The following SLC49A4 variants were observed in gnomAD, a reference collection of about 807,000 sequenced individuals.
SLC49A4 encodes disrupted in renal cancer protein 2.
SLC49A4 carries 36 observed loss-of-function variants against 50.6 expected under a neutral mutation model. The observed-to-expected ratio is 0.71, with a 90% CI of 0.55 to 0.94. The LOEUF (loss-of-function observed/expected upper bound fraction) is 0.94, where lower values mean the gene tolerates loss of function less well. SLC49A4 is among the 40% of genes least tolerant of loss of function. The probability of loss-of-function intolerance (pLI) is 0.00; values close to 1 mark genes in which losing one functional copy is unlikely to be tolerated. For synonymous variants in SLC49A4, 248 were observed against 241.2 expected, an observed-to-expected ratio of 1.03 and a Z score of -0.26; for missense variants, 503 against 605.7, an observed-to-expected ratio of 0.83 and a Z score of 1.78.
At chr3:122,817,272 G>T (rs924487364) in intron 2 of SLC49A4, among the ~76,000 whole-genome samples, 5 of 152,156 alleles carry the variant, frequency 3.3e-5, no homozygotes, top group African/African-American at 4.8e-5. Flanking sequence ...AACTGCAGTT[G>T]CTGCCTTTGA....
intron 4 of SLC49A4, among the ~76,000 whole-genome samples, chr3:122,842,854 T>TA (rs1936791875): frequency 6.6e-6 from 1 of 152,214 alleles, no homozygotes; most frequent in African/African-American, 2.4e-5. Flanking sequence ...GAATGCCAGC[T>TA]TCTACCTTTG....
intron 7 of SLC49A4, among the ~76,000 whole-genome samples, chr3:122,870,725 A>G (rs947753317): frequency 1.3e-5 from 2 of 151,732 alleles, no homozygotes; most frequent in African/African-American, 4.8e-5. Flanking sequence ...AGGCAGGAGA[A>G]TCACTTGAAC....
intron 7 of SLC49A4, among the ~76,000 whole-genome samples, chr3:122,867,469 T>A (rs1937134239): frequency 6.6e-6 from 1 of 152,230 alleles, no homozygotes; most frequent in Admixed American, 6.5e-5. Flanking sequence ...GTAAAATACC[T>A]GCCTCAAAGA....
intron 2 of SLC49A4, among the ~76,000 whole-genome samples, chr3:122,811,950 A>G (rs1345543167): frequency 6.6e-6 from 1 of 151,978 alleles, no homozygotes; most frequent in Admixed American, 6.6e-5. Context: ...TATTTTTACC[A>G]TGTGCATATA....
At position 122,795,457 on chromosome 3, in the gene SLC49A4, G is replaced by T; in HGVS notation, c.265G>T (p.Asp89Tyr). 1.2e-6 allele frequency: 2 copies of T among 1,607,386 alleles called. No homozygotes were observed. Residue 89 changes from aspartate to tyrosine, a missense_variant, in exon 1 of 9, where the codon GAC becomes TAC. Asp to Tyr is a radical substitution (Grantham distance 160). Transcript: ENST00000261038. ...CCAGGCCTACGGCTTCTCCAGCTGGGACATCGCGCTGCTCGTGCTGTGGGG... is the reference window on the plus strand; with the variant it reads ...CCAGGCCTACGGCTTCTCCAGCTGGTACATCGCGCTGCTCGTGCTGTGGGG... ...ARQAYGFSSWDIALLVLWGPI... is the reference protein window; with the variant it reads ...ARQAYGFSSWYIALLVLWGPI...
At chr3:122,801,009 C>G (rs995514903) in intron 1 of SLC49A4, among the ~76,000 whole-genome samples, 3 of 152,176 alleles carry the variant, frequency 2.0e-5, no homozygotes, top group African/African-American at 7.2e-5. Flanking sequence ...GTGTTTCCCT[C>G]CAGCCTGTTC....
At position 122,852,139 on chromosome 3, in the gene SLC49A4, G is replaced by T. The variant is rs148543543; in HGVS notation, c.943-4168G>T. Among the ~76,000 whole-genome samples the T allele has an allele frequency of 7.1e-3, 1,079 of 152,000 alleles. 5 individuals are homozygous for T. The highest frequency in any genetic ancestry group is 0.022 in the African/African-American group (932 of 41,472). On this transcript the variant is annotated intron_variant, in intron 5 of 8. Transcript: ENST00000261038. Reference sequence around the variant, plus strand: ...CCCCAGTAGCTGGGACTACAGGCGCGTACAACCATACCCAGCTCATTTTTG... The same window carrying T: ...CCCCAGTAGCTGGGACTACAGGCGCTTACAACCATACCCAGCTCATTTTTG...
At chr3:122,854,657 G>T (rs887673584) in intron 5 of SLC49A4, among the ~76,000 whole-genome samples, 1 of 152,206 alleles carries the variant, frequency 6.6e-6, no homozygotes, top group Non-Finnish European at 1.5e-5. Context: ...CTTCACTTAT[G>T]CTCACTTCCA....
At chr3:122,801,562 A>G (rs1310594559) in intron 1 of SLC49A4, among the ~76,000 whole-genome samples, 1 of 152,100 alleles carries the variant, frequency 6.6e-6, no homozygotes, top group Admixed American at 6.5e-5. Context: ...GCGCCATTAC[A>G]CTCCAGATGA....
chr3:122,819,796 C>T (rs1158616483), intron 2 of SLC49A4, among the ~76,000 whole-genome samples: 2 of 150,976 alleles, frequency 1.3e-5, no homozygotes, highest in Admixed American at 6.6e-5. Context: ...CCATTTTCAA[C>T]ATCAAAAAAA....
At chr3:122,875,352 A>T (rs1386121192) in intron 8 of SLC49A4, among the ~76,000 whole-genome samples, 1 of 151,898 alleles carries the variant, frequency 6.6e-6, no homozygotes, top group African/African-American at 2.4e-5. Context: ...GAAGGCCTGA[A>T]TTTTTTAGGG....
intron 5 of SLC49A4, among the ~76,000 whole-genome samples, chr3:122,847,801 T>G (rs1446096182): frequency 1.3e-5 from 2 of 152,230 alleles, no homozygotes; most frequent in East Asian, 3.9e-4. Context: ...ACTCTAGATG[T>G]TGGATTTAGC....
At chr3:122,797,329 AATC>A (rs1446956086) in intron 1 of SLC49A4, among the ~76,000 whole-genome samples, 1 of 152,230 alleles carries the variant, frequency 6.6e-6, no homozygotes, top group Non-Finnish European at 1.5e-5. Flanking sequence ...AGGGTATAAA[AATC>A]ATGATGTGTA....
At chr3:122,800,127 A>G (rs1560189897) in intron 1 of SLC49A4, among the ~76,000 whole-genome samples, 1 of 152,150 alleles carries the variant, frequency 6.6e-6, no homozygotes, top group Admixed American at 6.5e-5. Context: ...TTATTGGTTA[A>G]AAAAAAGAAA....
chr3:122,875,259 G>A (rs1237445459), intron 8 of SLC49A4, among the ~76,000 whole-genome samples: 1 of 152,124 alleles, frequency 6.6e-6, no homozygotes, highest in Non-Finnish European at 1.5e-5. Flanking sequence ...GTGTTCATAT[G>A]TCATTATTCA....
At chr3:122,855,751 A>C (rs1375273317) in intron 5 of SLC49A4, among the ~76,000 whole-genome samples, 1 of 152,210 alleles carries the variant, frequency 6.6e-6, no homozygotes, top group African/African-American at 2.4e-5. Flanking sequence ...ATCTCATTTA[A>C]TCCATTTTAC....
At chr3:122,814,765 A>ATTTTTTTGTGAGG (rs1936341756) in intron 2 of SLC49A4, among the ~76,000 whole-genome samples, 1 of 151,780 alleles carries the variant, frequency 6.6e-6, no homozygotes, top group African/African-American at 2.4e-5. Flanking sequence ...TTTTTGTGTG[A>ATTTTTTTGTGAGG]CATTTTTTTG....
intron 7 of SLC49A4, 130 bp downstream of exon 7, chr3:122,860,332 C>A: frequency 2.3e-6 from 2 of 874,934 alleles, no homozygotes; most frequent in Non-Finnish European, 3.1e-6. Flanking sequence ...TTCTCTTGTC[C>A]AGTCATCAAA....
chr3:122,824,619 CTCTTTCTT>C (rs565152434), intron 2 of SLC49A4, among the ~76,000 whole-genome samples: 1 of 149,852 alleles, frequency 6.7e-6, no homozygotes, highest in Non-Finnish European at 1.5e-5. Context: ...TCTTTTCTTT[CTCTTTCTT>C]TCTTTCTTTC....
Sources: allele counts gnomAD v4.1 joint callset (sites outside exome capture counted in the v4.1 genomes callset), GRCh38; gene constraint gnomAD v4.1.1; transcripts MANE v1.5; gene names NCBI Gene and HGNC (gene_info 2026-07-23, HGNC 2026-07-21).